The following GYS1 variants were observed in gnomAD, a reference collection of about 807,000 sequenced individuals.
GYS1 encodes glycogen synthase 1.
A neutral mutation model predicts 89.1 loss-of-function variants in GYS1; 60 were observed. The ratio of observed to expected loss-of-function variants is 0.67; its 90% CI spans 0.55 to 0.84. The LOEUF (loss-of-function observed/expected upper bound fraction) is 0.84, where lower values mean the gene tolerates loss of function less well. GYS1 is among the 40% of genes least tolerant of loss of function. The pLI is 0.00. For synonymous variants in GYS1, 366 were observed against 401.7 expected (o/e 0.91, Z 1.06); for missense variants, 888 against 1,003.1 (o/e 0.89, Z 1.55).
intron 12 of GYS1, 104 bp downstream of exon 12, chr19:48,974,109 G>T: frequency 8.1e-7 from 1 of 1,234,246 alleles, no homozygotes; most frequent in Non-Finnish European, 1.2e-6. Context: ...TTCCTGTTTT[G>T]CAAAGAAGGC....
intron 1 of GYS1, among the ~76,000 whole-genome samples, chr19:48,992,460 C>A (rs2038950422): frequency 6.6e-6 from 1 of 152,242 alleles, no homozygotes; most frequent in Non-Finnish European, 1.5e-5. Flanking sequence ...TAGCTCAGGC[C>A]CTCAGCTCCT....
intron 12 of GYS1, among the ~76,000 whole-genome samples, chr19:48,972,126 GAA>G (rs765971575): frequency 7.5e-6 from 1 of 133,066 alleles, no homozygotes; most frequent in South Asian, 2.5e-4. Context: ...GTCAAGAAGA[GAA>G]AAAAAAAAAA....
rs2038853799 is a variant in GYS1 at position 48,987,141 on chromosome 19, C to T, written c.492+53G>A. 2.3e-6 allele frequency: 3 copies of T among 1,299,434 alleles called. No homozygotes were observed. The East Asian group carries it at 7.0e-5, about 30-fold the overall frequency. 80.5% of individuals were successfully genotyped at this position (1,299,434 alleles called of 1,614,324 possible). ...AGAAGCCCATCCTCTGGCCCAGGGG[C>T]TGATGGTCATTGTAGTTTCAGGTAT... On this transcript the variant is annotated intron_variant, in intron 3 of 15. Coordinates refer to ENST00000323798, the MANE Select transcript of GYS1 (RefSeq NM_002103.5).
chr19:48,970,485 A>T, intron 14 of GYS1, 61 bp downstream of exon 14: 3 of 1,445,612 alleles, frequency 2.1e-6, no homozygotes, highest in Non-Finnish European at 2.9e-6. Flanking sequence ...ACCCTGCACC[A>T]AAGACCCCTA....
rs2038935490 is a variant in GYS1, at chr19:48,991,846, C to T, written c.119-363G>A. Among the ~76,000 whole-genome samples the T allele has an allele frequency of 6.6e-6, 1 of 152,000 alleles. No individual in the cohort carries two copies. Among genetic ancestry groups the T allele is most frequent in the South Asian group, 2.1e-4 (1 of 4,828 alleles). On this transcript the variant is annotated intron_variant, in intron 1 of 15. Transcript: ENST00000323798. This position sits in a 1 kb window ranked among gnomAD's most constrained non-coding sequence, Gnocchi z 4.7. ...GATGGCAGAGCTGAGGACTGACTACCCGGACTCAGGTTCCCGAGTTCCCAG... is the reference window on the plus strand; with the variant it reads ...GATGGCAGAGCTGAGGACTGACTACTCGGACTCAGGTTCCCGAGTTCCCAG...
chr19:48,992,938 G>T (rs983694016), intron 1 of GYS1, 57 bp downstream of exon 1: 1 of 994,008 alleles, frequency 1.0e-6, no homozygotes, highest in South Asian at 1.3e-5. Context: ...TCAGAGTTCC[G>T]GGCCCCCATC....
At chr19:48,977,593 A>G (rs1281344977) in intron 10 of GYS1, among the ~76,000 whole-genome samples, 1 of 152,234 alleles carries the variant, frequency 6.6e-6, no homozygotes, top group Admixed American at 6.5e-5. Context: ...ACTCCATCTC[A>G]AAATAAATAA....
At chr19:48,990,490 C>T (rs1016596937) in intron 2 of GYS1, among the ~76,000 whole-genome samples, 2 of 152,164 alleles carry the variant, frequency 1.3e-5, no homozygotes, top group African/African-American at 4.8e-5. Flanking sequence ...TCCATCCACC[C>T]TTCTCCCTTG....
At chr19:48,969,677 CA>C in intron 15 of GYS1, 66 bp from the exon 16 acceptor site, 1 of 1,575,490 alleles carries the variant, frequency 6.3e-7, no homozygotes, top group Non-Finnish European at 8.7e-7. Context: ...CCCAGGCATC[CA>C]GCCACCTCTA....
In GYS1 at chr19:48,993,283, T is replaced by C. The variant is rs766268073; in HGVS notation, c.-171A>G. 2 of 700,858 alleles carry C rather than the reference T, an allele frequency of 2.9e-6. No individual in the cohort carries two copies. Among genetic ancestry groups the C allele is most frequent in the South Asian group, 1.4e-5 (1 of 70,902 alleles). 43.4% of individuals were successfully genotyped at this position (700,858 alleles called of 1,614,324 possible). A position where few individuals can be genotyped will look rare whatever the true frequency, so the allele number is the denominator to read the frequency against. ...ACCCCTGCCCCGAAGCGTTGGGACC[T>C]AGGCAGAAGGAGGCCGCAGCGTCAC... is the stretch of plus-strand genomic sequence containing the variant. On this transcript the variant is annotated 5_prime_UTR_variant, in exon 1 of 16. Transcript: ENST00000323798.
In GYS1 at chr19:48,993,135, C is replaced by G; in HGVS notation, c.-23G>C. The G allele has an allele frequency of 2.2e-6, 3 of 1,347,614 alleles. No individual in the cohort carries two copies. Among genetic ancestry groups the G allele is most frequent in the Non-Finnish European group, 3.2e-6 (3 of 937,410 alleles). The allele number at this position is 1,347,614 out of a possible 1,614,324, so 83.5% of individuals were successfully genotyped here. A position where few individuals can be genotyped will look rare whatever the true frequency, so the allele number is the denominator to read the frequency against. On this transcript the variant is annotated 5_prime_UTR_variant, in exon 1 of 16. Coordinates refer to ENST00000323798, the MANE Select transcript of GYS1 (RefSeq NM_002103.5). ...CATGGCTGGCGCAGGAAGGGGGGCT[C>G]CGGGGATCTCCAGGTAGGGACCCCG...
At chr19:48,992,904 C>G in intron 1 of GYS1, 91 bp downstream of exon 1, 1 of 814,452 alleles carries the variant, frequency 1.2e-6, no homozygotes, top group Non-Finnish European at 2.2e-6. Flanking sequence ...AAGGGTTCCC[C>G]TAGTAGCCCC....
At chr19:48,978,180 G>T in intron 8 of GYS1, 23 bp from the exon 9 acceptor site, 1 of 1,591,944 alleles carries the variant, frequency 6.3e-7, no homozygotes, top group Non-Finnish European at 8.6e-7. Flanking sequence ...GAGCAACAGG[G>T]TCACATACAC....
In GYS1 at chr19:48,974,250, G is replaced by A. The variant is rs201028159; in HGVS notation, c.1512C>T (p.Val504=). ...CCCAAGGCTCATAGTAGGAGGGGAA[G>A]ACTCCAAGGTGACAGCCACGGACAA... ...EEFVRGCHLG[V]FPSYYEPWGY... is the part of the protein sequence containing the mutation. The change falls in exon 12 of 16, where the codon GTC becomes GTT. Residue 504 remains valine (V), a synonymous_variant. Coordinates refer to ENST00000323798, the MANE Select transcript of GYS1 (RefSeq NM_002103.5). 66 of 1,612,700 alleles carry A rather than the reference G, an allele frequency of 4.1e-5. No homozygotes were observed. In the African/African-American group the frequency reaches 6.3e-4, roughly 15 times the overall value.
At position 48,981,584 on chromosome 19, in the gene GYS1, G is replaced by C; in HGVS notation, c.1115C>G (p.Thr372Ser). The change falls in exon 8 of 16, where the codon ACC (threonine) becomes AGC (serine). Residue 372 changes from threonine (T) to serine (S), a missense_variant. By Grantham distance (58) the Thr-to-Ser change is moderately conservative (BLOSUM62 1). Coordinates refer to ENST00000323798, the MANE Select transcript of GYS1 (RefSeq NM_002103.5). ...GAGGGTTTCCACGTTGAAATTGTTG[G>C]TCCGCGCTGGCATGATGAAGAAGGC... ...VVAFFIMPARTNNFNVETLKG... is the reference protein window; with the variant it reads ...VVAFFIMPARSNNFNVETLKG... 6.2e-7 allele frequency: 1 copy of C among 1,613,782 alleles called. No homozygotes were observed. Among genetic ancestry groups the C allele is most frequent in the Non-Finnish European group, 8.5e-7 (1 of 1,179,674 alleles).
intron 12 of GYS1, among the ~76,000 whole-genome samples, chr19:48,973,067 T>C (rs1460419639): frequency 6.6e-6 from 1 of 152,200 alleles, no homozygotes; most frequent in African/African-American, 2.4e-5. Context: ...AGTCCCCACG[T>C]GTCGAGGGAG....
intron 2 of GYS1, among the ~76,000 whole-genome samples, chr19:48,989,613 C>A (rs1018262172): frequency 6.6e-6 from 1 of 151,990 alleles, no homozygotes; most frequent in African/African-American, 2.4e-5. Context: ...TTAGTAGAGA[C>A]AGAGTTTCGC....
At chr19:48,981,509 G>T in intron 8 of GYS1, 21 bp downstream of exon 8, 2 of 1,377,340 alleles carry the variant, frequency 1.5e-6, no homozygotes, top group Non-Finnish European at 2.1e-6. Flanking sequence ...TGCGCCAGGG[G>T]CCGGAGCGAG....
At chr19:48,980,042 C>CA (rs2038733915) in intron 8 of GYS1, among the ~76,000 whole-genome samples, 1 of 152,068 alleles carries the variant, frequency 6.6e-6, no homozygotes, top group Non-Finnish European at 1.5e-5. Context: ...CCTCCAGGGC[C>CA]AAAATGATCC....
Sources: allele counts gnomAD v4.1 joint callset (sites outside exome capture counted in the v4.1 genomes callset), GRCh38; gene constraint gnomAD v4.1.1; non-coding constraint Gnocchi (gnomAD v3.1); transcripts MANE v1.5; gene names NCBI Gene and HGNC (gene_info 2026-07-23, HGNC 2026-07-21).